The following LRFN2 variants were observed in gnomAD, a reference collection of about 807,000 sequenced individuals.
The protein encoded by LRFN2 is leucine-rich repeat and fibronectin type-III domain-containing protein 2.
In LRFN2, 18 loss-of-function variants were observed where a neutral mutation model predicts 37.3. The ratio of observed to expected loss-of-function variants is 0.48; its 90% CI spans 0.33 to 0.72. LRFN2 has a LOEUF of 0.72. Among genes scored for constraint, LRFN2 ranks in the 30% least tolerant of loss-of-function variants. LRFN2 has a pLI of 0.02. For synonymous variants in LRFN2, 556 were observed against 466.6 expected (o/e 1.19, Z -2.47); for missense variants, 1,006 against 1,060.7 (o/e 0.95, Z 0.72).
intron 1 of LRFN2, among the ~76,000 whole-genome samples, chr6:40,494,767 A>G (rs983189615): frequency 2.0e-5 from 3 of 151,698 alleles, no homozygotes; most frequent in Admixed American, 2.0e-4. Flanking sequence ...GTCATCTCCT[A>G]TCTCACTCTC....
chr6:40,391,772 G>A lies in LRFN2; in HGVS notation c.*171C>T, dbSNP rs528031785. The A allele has an allele frequency of 5.3e-6, 3 of 569,632 alleles. No homozygotes were observed. The highest frequency in any genetic ancestry group is 8.5e-6 in the Non-Finnish European group (3 of 354,608). 35.3% of individuals were successfully genotyped at this position (569,632 alleles called of 1,614,324 possible). ...CTGAGCACACCCCGGCCGGGTGGTG[G>A]GGAGGTGATGTGGGTGTTGCGGGGT... is the stretch of plus-strand genomic sequence containing the variant. On this transcript the variant is annotated 3_prime_UTR_variant, in exon 3 of 3. Transcript: ENST00000338305.
chr6:40,437,060 T>A (rs1169833364), intron 1 of LRFN2, among the ~76,000 whole-genome samples: 1 of 152,098 alleles, frequency 6.6e-6, no homozygotes, highest in Admixed American at 6.6e-5. Flanking sequence ...GCCATCTCTC[T>A]TATGAGCTCT....
chr6:40,501,518 G>C (rs1765382026), intron 1 of LRFN2: 1 of 151,576 alleles, frequency 6.6e-6, no homozygotes, highest in African/African-American at 2.4e-5. Context: ...AGCAGAGACA[G>C]GGTTTCATTA....
In LRFN2 at chr6:40,541,444, G is replaced by A. The variant is rs150372367; in HGVS notation, c.-19+45497C>T. Among the ~76,000 whole-genome samples the A allele has an allele frequency of 3.3e-3, 496 of 152,300 alleles. 1 individual carries two copies. Among genetic ancestry groups the A allele is most frequent in the African/African-American group, 3.1e-3 (127 of 41,558 alleles). ...CCTGGGCCACAGCTGTGAGCTCTCC[G>A]AGGGCTTTGTTCACCGTAATTCCCA... On this transcript the variant is annotated intron_variant, in intron 1 of 2. Coordinates refer to ENST00000338305, the MANE Select transcript of LRFN2 (RefSeq NM_020737.3).
At chr6:40,550,965 A>G (rs1343522167) in intron 1 of LRFN2, among the ~76,000 whole-genome samples, 1 of 152,208 alleles carries the variant, frequency 6.6e-6, no homozygotes, top group Admixed American at 6.5e-5. Flanking sequence ...TTGGCAGCCA[A>G]AGAGGTGGAC....
intron 2 of LRFN2, among the ~76,000 whole-genome samples, chr6:40,394,365 A>G (rs1250725351): frequency 6.6e-6 from 1 of 151,542 alleles, no homozygotes; most frequent in African/African-American, 2.4e-5. Flanking sequence ...TAGTTCCTCC[A>G]CTCCCATTCT....
chr6:40,482,912 G>A (rs563669581), intron 1 of LRFN2, among the ~76,000 whole-genome samples: 40 of 152,306 alleles, frequency 2.6e-4, no homozygotes, highest in South Asian at 1.0e-3. Flanking sequence ...TGACTAGGGC[G>A]CCTAAGGGGC....
At chr6:40,423,019 G>T (rs1393590093) in intron 2 of LRFN2, among the ~76,000 whole-genome samples, 1 of 152,212 alleles carries the variant, frequency 6.6e-6, no homozygotes, top group Non-Finnish European at 1.5e-5. Context: ...ATGCTCTGAA[G>T]CTTTTTGAAT....
chr6:40,404,304 T>C (rs1762801358), intron 2 of LRFN2, among the ~76,000 whole-genome samples: 1 of 152,212 alleles, frequency 6.6e-6, no homozygotes, highest in Admixed American at 6.5e-5. Flanking sequence ...TTTTTTGTTT[T>C]TTTTTGCCTG....
chr6:40,570,445 C>G (rs948926140), intron 1 of LRFN2, among the ~76,000 whole-genome samples: 1 of 152,166 alleles, frequency 6.6e-6, no homozygotes, highest in Admixed American at 6.5e-5. Context: ...AGCAACTTCC[C>G]CAGAGTCACA....
chr6:40,432,793 A>G lies in LRFN2; in HGVS notation c.321T>C (p.Leu107=), dbSNP rs1763538441. Reference sequence around the variant, plus strand: ...CAAGGCTTGGCAGCCGATTGCTGTCAAGATGCAGGGAGCGGAGGCTCTCGA... The same window carrying G: ...CAAGGCTTGGCAGCCGATTGCTGTCGAGATGCAGGGAGCGGAGGCTCTCGA... ...LDLESLRSLH[L]DSNRLPSLGE... Residue 107 remains leucine (L), a synonymous_variant, in exon 2 of 3, where the codon CTT becomes CTC. Coordinates refer to ENST00000338305, the MANE Select transcript of LRFN2 (RefSeq NM_020737.3). The G allele has an allele frequency of 6.2e-7, 1 of 1,614,074 alleles. No homozygotes were observed.
At position 40,499,843 on chromosome 6, in the gene LRFN2, G is replaced by C. The variant is rs143244691; in HGVS notation, c.-18-66712C>G. ...TCAGATCCCAGTTCTGCCTTCTACT[G>C]TGAGAGCAAGGTTTTTGAAAACCTT... On this transcript the variant is annotated intron_variant, in intron 1 of 2. Transcript: ENST00000338305. Among the ~76,000 whole-genome samples the C allele has an allele frequency of 3.4e-3, 522 of 152,336 alleles. 4 individuals are homozygous for C. The highest frequency in any genetic ancestry group is 4.9e-3 in the Non-Finnish European group (336 of 68,028).
At chr6:40,420,839 T>C (rs1327810169) in intron 2 of LRFN2, among the ~76,000 whole-genome samples, 1 of 152,200 alleles carries the variant, frequency 6.6e-6, no homozygotes, top group Non-Finnish European at 1.5e-5. Flanking sequence ...AGTAGTTTAT[T>C]TGGGAGGTGG....
At chr6:40,426,612 C>T (rs543638601) in intron 2 of LRFN2, among the ~76,000 whole-genome samples, 72 of 152,288 alleles carry the variant, frequency 4.7e-4, no homozygotes, top group African/African-American at 1.4e-3. Flanking sequence ...GTTTTTGTAA[C>T]GGGCCAATGC....
intron 1 of LRFN2, among the ~76,000 whole-genome samples, chr6:40,565,268 A>C (rs1007922306): frequency 1.3e-5 from 2 of 152,186 alleles, no homozygotes; most frequent in African/African-American, 2.4e-5. Context: ...TTCCATGCTC[A>C]TGGGTAGGAA....
chr6:40,472,905 C>T (rs1764631252), intron 1 of LRFN2, among the ~76,000 whole-genome samples: 2 of 152,146 alleles, frequency 1.3e-5, no homozygotes, highest in African/African-American at 2.4e-5. Context: ...TCTCTCCCAC[C>T]CTGGCATTCA....
Position 40,509,688 on chromosome 6 carries a change from G to A in LRFN2, c.-18-76557C>T, listed in dbSNP as rs539779135. On this transcript the variant is annotated intron_variant, in intron 1 of 2. Transcript: ENST00000338305. Reference sequence around the variant, plus strand: ...GCAGGCAGTGGGGGTGGGTGCATGCGTGCAGGTATGCCAAGGAACACTGAG... The same window carrying A: ...GCAGGCAGTGGGGGTGGGTGCATGCATGCAGGTATGCCAAGGAACACTGAG... 9.7e-4 allele frequency among the ~76,000 whole-genome samples: 144 copies of A among 149,100 alleles called. 1 individual carries two copies. The highest frequency in any genetic ancestry group is 1.2e-3 in the Non-Finnish European group (81 of 67,164).
chr6:40,395,087 G>A (rs1302681872), intron 2 of LRFN2, among the ~76,000 whole-genome samples: 2 of 151,952 alleles, frequency 1.3e-5, no homozygotes, highest in Non-Finnish European at 2.9e-5. Context: ...TAGGAGAGGT[G>A]GATCCAGCAA....
chr6:40,550,717 G>A (rs138712212), intron 1 of LRFN2, among the ~76,000 whole-genome samples: 17 of 151,498 alleles, frequency 1.1e-4, no homozygotes, highest in African/African-American at 3.6e-4. Flanking sequence ...TTCTCCACTG[G>A]TGTATATTGG....
Sources: allele counts gnomAD v4.1 joint callset (sites outside exome capture counted in the v4.1 genomes callset), GRCh38; gene constraint gnomAD v4.1.1; transcripts MANE v1.5; gene names NCBI Gene and HGNC (gene_info 2026-07-23, HGNC 2026-07-21).